TGFBR3: variants seen among roughly 807,000 people sequenced by gnomAD.
TGFBR3 encodes the protein transforming growth factor beta receptor 3.
In TGFBR3, 46 loss-of-function variants were observed where a neutral mutation model predicts 87.9. The ratio of observed to expected loss-of-function variants is 0.52; its 90% CI spans 0.41 to 0.67. The LOEUF (loss-of-function observed/expected upper bound fraction) is 0.67. TGFBR3 is among the 30% of genes least tolerant of loss of function. TGFBR3 has a pLI of 0.00. For synonymous variants in TGFBR3, 381 were observed against 391.6 expected (o/e 0.97, Z 0.32); for missense variants, 866 against 1,041.9 (o/e 0.83, Z 2.32).
intron 2 of TGFBR3, among the ~76,000 whole-genome samples, chr1:91,853,024 C>T (rs2799525): frequency 0.12 from 18,690 of 150,998 alleles, 1,498 homozygotes; most frequent in East Asian, 0.39. Context: ...CCAGGCATAG[C>T]GGCGTGCACC....
At chr1:91,894,587 G>C (rs1000158791) in intron 2 of TGFBR3, among the ~76,000 whole-genome samples, 1 of 152,204 alleles carries the variant, frequency 6.6e-6, no homozygotes, top group Admixed American at 6.5e-5. Flanking sequence ...CTTAGTTTAC[G>C]CAAGAGATTA....
chr1:91,871,842 G>A (rs761433765), intron 1 of TGFBR3, among the ~76,000 whole-genome samples: 1 of 152,060 alleles, frequency 6.6e-6, no homozygotes, highest in Non-Finnish European at 1.5e-5. Flanking sequence ...ATATAATTTT[G>A]GGCAACTTAC....
At chr1:91,734,703 A>T (rs1186908523) in intron 5 of TGFBR3, 73 bp downstream of exon 5, 1 of 1,572,300 alleles carries the variant, frequency 6.4e-7, no homozygotes, top group Non-Finnish European at 8.8e-7. Flanking sequence ...CCTTGCCCTA[A>T]CCACCTGGTT....
chr1:91,832,637 G>A (rs1571554638), intron 2 of TGFBR3, among the ~76,000 whole-genome samples: 1 of 152,284 alleles, frequency 6.6e-6, no homozygotes, highest in East Asian at 1.9e-4. Context: ...GCAGGGGGAA[G>A]GTAGAACCTA....
intron 3 of TGFBR3, 126 bp from the exon 4 acceptor site, chr1:91,758,876 G>T: frequency 8.5e-7 from 1 of 1,170,978 alleles, no homozygotes; most frequent in Non-Finnish European, 1.3e-6. Context: ...ATGTAGCTCA[G>T]ATTCTATGAA....
At chr1:91,842,569 G>A (rs1473542653) in intron 2 of TGFBR3, among the ~76,000 whole-genome samples, 16 of 152,170 alleles carry the variant, frequency 1.1e-4, no homozygotes, top group Non-Finnish European at 2.4e-4. Context: ...ACCTGGCTCA[G>A]CCAACAGCTC....
intron 4 of TGFBR3, among the ~76,000 whole-genome samples, chr1:91,741,884 T>C (rs559656651): frequency 2.2e-3 from 337 of 152,254 alleles, no homozygotes; most frequent in African/African-American, 7.8e-3. Context: ...CACTGTCACC[T>C]GGGTAATCCT....
In TGFBR3 at chr1:91,680,550, C is replaced by T; in HGVS notation, c.*3189G>A. On this transcript the variant is annotated 3_prime_UTR_variant, in exon 17 of 17. Coordinates refer to ENST00000212355, the MANE Select transcript of TGFBR3 (RefSeq NM_003243.5). ...GATGAAAACCAGCAACAAAATCAGGCTCATTCAGGAAAAACCAGAAGAGAG... is the reference window on the plus strand; with the variant it reads ...GATGAAAACCAGCAACAAAATCAGGTTCATTCAGGAAAAACCAGAAGAGAG... The T allele has an allele frequency of 4.4e-6, 2 of 454,000 alleles. No individual in the cohort carries two copies. Among genetic ancestry groups the T allele is most frequent in the Non-Finnish European group, 8.8e-6 (2 of 226,772 alleles). The allele number at this position is 454,000 out of a possible 1,614,324, so 28.1% of individuals were successfully genotyped here. A position where few individuals can be genotyped will look rare whatever the true frequency, so the allele number is the denominator to read the frequency against.
chr1:91,840,340 T>C (rs371932132), intron 2 of TGFBR3, among the ~76,000 whole-genome samples: 7 of 151,364 alleles, frequency 4.6e-5, no homozygotes, highest in African/African-American at 1.7e-4. Context: ...AAAAAATCAA[T>C]TGTTCTATCT....
intron 3 of TGFBR3, among the ~76,000 whole-genome samples, chr1:91,776,894 G>A (rs12084239): frequency 0.13 from 20,354 of 152,084 alleles, 1,694 homozygotes; most frequent in East Asian, 0.25. Flanking sequence ...CACTAACCTG[G>A]ACAAGCTCAG....
At chr1:91,841,936 C>CA (rs1386190142) in intron 2 of TGFBR3, among the ~76,000 whole-genome samples, 1 of 151,358 alleles carries the variant, frequency 6.6e-6, no homozygotes, top group East Asian at 1.9e-4. Flanking sequence ...CCGTCTCTAC[C>CA]AAAAAATACA....
chr1:91,683,878 G>C, intron 16 of TGFBR3, 21 bp from the exon 17 acceptor site: 1 of 1,571,464 alleles, frequency 6.4e-7, no homozygotes, highest in Non-Finnish European at 8.7e-7. Context: ...TAAAGAAAAG[G>C]CAGAGTCAGA....
chr1:91,705,280 A>C (rs886707025), intron 14 of TGFBR3, among the ~76,000 whole-genome samples: 3 of 148,396 alleles, frequency 2.0e-5, no homozygotes, highest in African/African-American at 7.5e-5. Flanking sequence ...GCTGGAGTAC[A>C]GTGGCGCGAT....
chr1:91,780,860 C>T (rs956547650), intron 3 of TGFBR3, among the ~76,000 whole-genome samples: 68 of 149,512 alleles, frequency 4.5e-4, no homozygotes, highest in Non-Finnish European at 1.2e-4. Flanking sequence ...ACCCGGCCTT[C>T]CTAAGGCTTT....
At chr1:91,713,541 C>T (rs1672059488) in intron 12 of TGFBR3, among the ~76,000 whole-genome samples, 1 of 152,218 alleles carries the variant, frequency 6.6e-6, no homozygotes, top group Non-Finnish European at 1.5e-5. Flanking sequence ...CATAGACCAA[C>T]AGCCGCAGAA....
intron 1 of TGFBR3, 166 bp from the exon 2 acceptor site, chr1:91,861,810 A>G: frequency 2.3e-6 from 1 of 441,660 alleles, no homozygotes; most frequent in East Asian, 4.6e-5. Context: ...CTATCTAATA[A>G]AGATTTTTAT....
rs572333983 is a variant in TGFBR3, at chr1:91,717,814, T to C, written c.1567-1106A>G. ...GATCATAATAAAGAAAAGAAAAATA[T>C]GTGAGAAAAAAAGGAACTTTAAGGG... On this transcript the variant is annotated intron_variant, in intron 10 of 16. Transcript: ENST00000212355. Among the ~76,000 whole-genome samples, 47 of 150,320 alleles carry C rather than the reference T, an allele frequency of 3.1e-4. 1 individual carries two copies. The South Asian group carries it at 8.3e-3, about 27-fold the overall frequency.
chr1:91,876,782 T>C (rs924178259), intron 1 of TGFBR3, among the ~76,000 whole-genome samples: 5 of 152,088 alleles, frequency 3.3e-5, no homozygotes, highest in Non-Finnish European at 5.9e-5. Flanking sequence ...AGGCCTTTAA[T>C]CCTAAAATTA....
rs2100760735 is a variant in TGFBR3, at chr1:91,712,476, A to C, written c.1933T>G (p.Ser645Ala). 2 of 1,614,224 alleles carry C rather than the reference A, an allele frequency of 1.2e-6. No individual in the cohort carries two copies. Among genetic ancestry groups the C allele is most frequent in the Non-Finnish European group, 1.7e-6 (2 of 1,180,028 alleles). The change falls in exon 13 of 17, where the codon TCG (serine) becomes GCG (alanine). Residue 645 changes from serine to alanine, a missense_variant. Ser to Ala is a moderately conservative substitution (Grantham distance 99, BLOSUM62 1). Transcript: ENST00000212355. ...TAATGAGACATCCTATCAGGGTTCG[A>C]ATATGGAGAGATAAAGCACGTTTGG... is the stretch of plus-strand genomic sequence containing the variant. ...AIQTCFISPY[S>A]NPDRMSHYTI... is the part of the protein sequence containing the mutation.
Sources: gnomAD v4.1 joint callset for allele counts (sites outside exome capture counted in the v4.1 genomes callset) on GRCh38, gnomAD v4.1.1 for gene constraint, MANE v1.5 for transcripts, NCBI Gene and HGNC (gene_info 2026-07-23, HGNC 2026-07-21) for gene names.